The following ASH1L variants were observed in gnomAD, a reference collection of about 807,000 sequenced individuals.
ASH1L encodes ASH1 like histone lysine methyltransferase.
A neutral mutation model predicts 269.0 loss-of-function variants in ASH1L; 23 were observed. The observed-to-expected ratio is 0.09, with a 90% CI of 0.06 to 0.12. The LOEUF (loss-of-function observed/expected upper bound fraction) is 0.12, where lower values mean the gene tolerates loss of function less well. Ranked by LOEUF, ASH1L falls within the 10% of genes least tolerant of loss-of-function variation. The pLI is 1.00. For synonymous variants in ASH1L, 1,187 were observed against 1,253.5 expected, an observed-to-expected ratio of 0.95 and a Z score of 1.12; for missense variants, 2,912 against 3,567.8, an observed-to-expected ratio of 0.82 and a Z score of 4.68.
intron 8 of ASH1L, among the ~76,000 whole-genome samples, chr1:155,379,716 GGC>G: frequency 6.6e-6 from 1 of 152,236 alleles, no homozygotes; most frequent in African/African-American, 2.4e-5. Flanking sequence ...TAGTGCTGCT[GGC>G]AGTACATCTA....
intron 3 of ASH1L, among the ~76,000 whole-genome samples, chr1:155,461,811 T>C (rs894490549): frequency 6.6e-6 from 1 of 151,070 alleles, no homozygotes; most frequent in African/African-American, 2.4e-5. Flanking sequence ...GGTTTTTTTT[T>C]TTTTTTTTTG....
At chr1:155,545,935 T>C (rs1670780539) in intron 1 of ASH1L, among the ~76,000 whole-genome samples, 1 of 151,954 alleles carries the variant, frequency 6.6e-6, no homozygotes, top group South Asian at 2.1e-4. Flanking sequence ...GGCAGGCAGA[T>C]CACTAGATGT....
intron 5 of ASH1L, among the ~76,000 whole-genome samples, chr1:155,420,897 C>T (rs1226783239): frequency 2.7e-5 from 4 of 149,966 alleles, no homozygotes; most frequent in Non-Finnish European, 5.9e-5. Flanking sequence ...CAGTAACATA[C>T]CATGTCCATG....
rs1321270758 is a variant in ASH1L, at chr1:155,336,723, T to C, written c.*937A>G. 5 of 152,434 alleles carry C rather than the reference T, an allele frequency of 3.3e-5. No homozygotes were observed. The highest frequency in any genetic ancestry group is 7.3e-5 in the Non-Finnish European group (5 of 68,042). 9.4% of individuals were successfully genotyped at this position (152,434 alleles called of 1,614,324 possible). On this transcript the variant is annotated 3_prime_UTR_variant, in exon 28 of 28. Transcript: ENST00000392403. ...AGTAGTGTTTTCAATTGATAATCTATACTCACAACAAATACTCTGATAGGT... is the reference window on the plus strand; with the variant it reads ...AGTAGTGTTTTCAATTGATAATCTACACTCACAACAAATACTCTGATAGGT...
intron 2 of ASH1L, among the ~76,000 whole-genome samples, chr1:155,487,229 G>A (rs1307186210): frequency 6.6e-6 from 1 of 151,984 alleles, no homozygotes; most frequent in Non-Finnish European, 1.5e-5. Flanking sequence ...CAGAAAAACA[G>A]AGTACCTATT....
At chr1:155,414,193 A>G (rs1660026643) in intron 6 of ASH1L, among the ~76,000 whole-genome samples, 1 of 152,184 alleles carries the variant, frequency 6.6e-6, no homozygotes, top group Non-Finnish European at 1.5e-5. Context: ...TTTTGCCACT[A>G]GTAATTCATT....
At chr1:155,476,202 C>T (rs980073149) in intron 3 of ASH1L, among the ~76,000 whole-genome samples, 2 of 151,968 alleles carry the variant, frequency 1.3e-5, no homozygotes, top group African/African-American at 2.4e-5. Flanking sequence ...CTGGCTAACA[C>T]GGTGAAACCC....
chr1:155,344,742 A>G (rs1430604123), intron 21 of ASH1L, among the ~76,000 whole-genome samples: 2 of 152,146 alleles, frequency 1.3e-5, no homozygotes, highest in African/African-American at 2.4e-5. Context: ...CACACATATA[A>G]AGATAGCAGA....
chr1:155,351,087 C>T (rs1227771978), intron 17 of ASH1L, among the ~76,000 whole-genome samples: 1 of 148,748 alleles, frequency 6.7e-6, no homozygotes, highest in South Asian at 2.1e-4. Flanking sequence ...AACACACACA[C>T]ACACAAAATT....
chr1:155,409,481 T>C (rs547778892), intron 6 of ASH1L, among the ~76,000 whole-genome samples: 1 of 152,308 alleles, frequency 6.6e-6, no homozygotes, highest in Non-Finnish European at 1.5e-5. Context: ...TGTAGTATCT[T>C]TGCAATGAAA....
intron 5 of ASH1L, chr1:155,433,965 A>G: frequency 6.3e-7 from 1 of 1,581,526 alleles, no homozygotes; most frequent in Non-Finnish European, 8.6e-7. Flanking sequence ...CAGATCAGCC[A>G]CATCGCCCAG....
chr1:155,453,815 CA>C (rs1206358224), intron 4 of ASH1L, among the ~76,000 whole-genome samples: 1 of 150,452 alleles, frequency 6.6e-6, no homozygotes, highest in Non-Finnish European at 1.5e-5. Flanking sequence ...AAAGAAAAAA[CA>C]AAAAGGCCGG....
At chr1:155,477,864 G>T (rs375051488) in intron 3 of ASH1L, 22 bp downstream of exon 3, 1 of 1,551,548 alleles carries the variant, frequency 6.4e-7, no homozygotes, top group African/African-American at 1.4e-5. Context: ...ACAAATAACA[G>T]GTAACAAAAT....
Position 155,480,573 on chromosome 1 carries a change from G to C in ASH1L, c.2297C>G (p.Pro766Arg). 6.2e-7 allele frequency: 1 copy of C among 1,613,986 alleles called. No individual in the cohort carries two copies. Among genetic ancestry groups the C allele is most frequent in the Non-Finnish European group, 8.5e-7 (1 of 1,179,968 alleles). The change falls in exon 3 of 28, where the codon CCC becomes CGC. Residue 766 changes from proline to arginine, a missense_variant. Physicochemically the swap from Pro to Arg is moderately radical, Grantham distance 103. This residue lies in a region of ASH1L where 715 missense variants were observed against 721.0 expected (regional missense o/e 0.99). Coordinates refer to ENST00000392403, the MANE Select transcript of ASH1L (RefSeq NM_018489.3). ...EPAKFMKNIG[P>R]PSFVDHDFLK... is the part of the protein sequence containing the mutation. ...GAAGTCATGATCTACAAATGAAGGG[G>C]GTCCAATGTTTTTCATAAACTTGGC...
At position 155,469,074 on chromosome 1, in the gene ASH1L, T is replaced by C. The variant is rs549733574; in HGVS notation, c.4984+8812A>G. ...CCTCCAGAAATCTAACATTTGCCAC[T>C]ATACAAATGGCTCTCAGACACAAGA... On this transcript the variant is annotated intron_variant, in intron 3 of 27. Transcript: ENST00000392403. Among the ~76,000 whole-genome samples, 8 of 152,306 alleles carry C rather than the reference T, an allele frequency of 5.3e-5. No individual in the cohort carries two copies. In the East Asian group the frequency reaches 1.2e-3, roughly 22 times the overall value.
intron 10 of ASH1L, among the ~76,000 whole-genome samples, chr1:155,378,007 AG>A (rs1191034044): frequency 1.3e-5 from 2 of 151,854 alleles, no homozygotes; most frequent in Admixed American, 6.6e-5. Context: ...TGGGCGACAG[AG>A]GGAGACTCCG....
chr1:155,540,675 G>T (rs1353652695), intron 1 of ASH1L, among the ~76,000 whole-genome samples: 1 of 152,070 alleles, frequency 6.6e-6, no homozygotes, highest in Non-Finnish European at 1.5e-5. Context: ...AGGCTGAGGT[G>T]GGAGGATCGC....
intron 13 of ASH1L, chr1:155,358,883 A>C (rs1654677861): frequency 6.6e-6 from 1 of 151,912 alleles, no homozygotes; most frequent in South Asian, 2.1e-4. Context: ...TGGGAGGCTG[A>C]GGTGGGAGGA....
chr1:155,400,236 G>C lies in ASH1L; in HGVS notation c.6009-4683C>G, dbSNP rs143746540. ...TAGTCCCAGCTACCTGGGAGGCTGAGAAGGAGAATCGCTTGAATCTAGGAG... is the reference window on the plus strand; with the variant it reads ...TAGTCCCAGCTACCTGGGAGGCTGACAAGGAGAATCGCTTGAATCTAGGAG... On this transcript the variant is annotated intron_variant, in intron 6 of 27. Coordinates refer to ENST00000392403, the MANE Select transcript of ASH1L (RefSeq NM_018489.3). Among the ~76,000 whole-genome samples the C allele has an allele frequency of 6.0e-3, 917 of 151,852 alleles. 8 individuals are homozygous for C. Among genetic ancestry groups the C allele is most frequent in the African/African-American group, 0.021 (864 of 41,356 alleles).
Sources: gnomAD v4.1 joint callset for allele counts (sites outside exome capture counted in the v4.1 genomes callset) on GRCh38, gnomAD v4.1.1 for gene constraint, gnomAD v4.1.1 regional missense constraint, MANE v1.5 for transcripts, NCBI Gene and HGNC (gene_info 2026-07-23, HGNC 2026-07-21) for gene names.